Variants in TUSC3 observed in about 807,000 individuals in gnomAD.
TUSC3 encodes tumor suppressor candidate 3.
Under a neutral mutation model 44.8 loss-of-function variants are expected in TUSC3, and 45 were observed. That is an observed-to-expected ratio of 1.00 (90% CI 0.79 to 1.29). The LOEUF is 1.29. Ranked by LOEUF, TUSC3 falls within the 50% of genes most tolerant of loss-of-function variation. The pLI, the probability that TUSC3 is intolerant of heterozygous loss-of-function variation, is 0.00. For synonymous variants in TUSC3, 212 were observed against 152.9 expected, an observed-to-expected ratio of 1.39 and a Z score of -2.85; for missense variants, 519 against 437.9, an observed-to-expected ratio of 1.19 and a Z score of -1.65.
intron 2 of TUSC3, among the ~76,000 whole-genome samples, chr8:15,485,985 G>T (rs1800727971): frequency 6.6e-6 from 1 of 152,018 alleles, no homozygotes; most frequent in African/African-American, 2.4e-5. Flanking sequence ...GTAGAGTCGG[G>T]GTTTCGCCAT....
intron 1 of TUSC3, among the ~76,000 whole-genome samples, chr8:15,472,958 G>T (rs1244985682): frequency 6.6e-6 from 1 of 152,120 alleles, no homozygotes; most frequent in East Asian, 1.9e-4. Flanking sequence ...TCTCAGTGAG[G>T]TTATGCACCC....
chr8:15,751,014 T>C (rs1471002157), intron 9 of TUSC3, among the ~76,000 whole-genome samples: 2 of 152,156 alleles, frequency 1.3e-5, no homozygotes, highest in Admixed American at 1.3e-4. Context: ...CTAAACAGTG[T>C]GACCTGCTGT....
chr8:15,807,316 C>A, the TUSC3 span: 5 of 451,246 alleles, frequency 1.1e-5, no homozygotes, highest in South Asian at 5.0e-5. Context: ...TATTAAAAGT[C>A]AAAAATCATC....
At chr8:15,689,196 G>A (rs552291190) in intron 6 of TUSC3, 3 of 366,274 alleles carry the variant, frequency 8.2e-6, no homozygotes, top group East Asian at 8.3e-5. Context: ...AGCAAGGGCT[G>A]CTAAGCATTC....
intron 2 of TUSC3, among the ~76,000 whole-genome samples, chr8:15,648,383 C>G (rs1585190659): frequency 6.6e-6 from 1 of 152,086 alleles, no homozygotes; most frequent in African/African-American, 2.4e-5. Context: ...AAAGGCCTGA[C>G]TAGACGCGGG....
chr8:15,576,231 A>C (rs1585117385), intron 1 of TUSC3, among the ~76,000 whole-genome samples: 1 of 144,316 alleles, frequency 6.9e-6, no homozygotes, highest in Non-Finnish European at 1.5e-5. Flanking sequence ...GTAGGTAATT[A>C]AGAATCCTCT....
chr8:15,527,331 C>A (rs60652479), intron 2 of TUSC3, among the ~76,000 whole-genome samples: 1 of 152,232 alleles, frequency 6.6e-6, no homozygotes, highest in East Asian at 1.9e-4. Context: ...ATTCTTCTTC[C>A]TCCACCTCCC....
intron 6 of TUSC3, among the ~76,000 whole-genome samples, chr8:15,712,223 T>C (rs1487873534): frequency 6.6e-6 from 1 of 152,020 alleles, no homozygotes; most frequent in Non-Finnish European, 1.5e-5. Flanking sequence ...TAATTCATTC[T>C]TCGTCTTCAG....
rs181530555 is a variant in TUSC3 at position 15,641,437 on chromosome 8, G to A, written c.309-9260G>A. Among the ~76,000 whole-genome samples, 449 of 151,616 alleles carry A rather than the reference G, an allele frequency of 3.0e-3. 2 individuals carry two copies. The highest frequency in any genetic ancestry group is 4.4e-3 in the Non-Finnish European group (302 of 67,954). ...CACAGAAATCCTATATCAAGAGTAA[G>A]CCTAGTTTATCAAAGGAAATTAAAA... On this transcript the variant is annotated intron_variant, in intron 2 of 10. Transcript: ENST00000503731.
At chr8:15,524,971 C>T (rs146613989) in intron 2 of TUSC3, among the ~76,000 whole-genome samples, 4 of 152,188 alleles carry the variant, frequency 2.6e-5, no homozygotes, top group Non-Finnish European at 5.9e-5. Context: ...TCTGCTCATG[C>T]TTGCCCAGAC....
intron 5 of TUSC3, among the ~76,000 whole-genome samples, chr8:15,665,432 A>C (rs1287962215): frequency 6.6e-6 from 1 of 151,362 alleles, no homozygotes; most frequent in East Asian, 1.9e-4. Flanking sequence ...TGTTGTGAAC[A>C]CTTAGTCCTG....
the TUSC3 span, among the ~76,000 whole-genome samples, chr8:15,847,214 G>C: frequency 1.5e-3 from 227 of 152,302 alleles, 2 homozygotes; most frequent in African/African-American, 5.3e-3. Flanking sequence ...GCACATATGT[G>C]AGGGTGTGTA....
chr8:15,800,065 C>T, the TUSC3 span, among the ~76,000 whole-genome samples: 2 of 152,180 alleles, frequency 1.3e-5, no homozygotes, highest in African/African-American at 4.8e-5. Context: ...CATAACTCCT[C>T]TATCTTCCAA....
At chr8:15,423,975 T>G (rs7836617) in intron 1 of TUSC3, among the ~76,000 whole-genome samples, 3,612 of 19,536 alleles carry the variant, frequency 0.18, 214 homozygotes, top group South Asian at 0.28. Context: ...CTTTGTTTTT[T>G]TTTTTTTTTT....
intron 1 of TUSC3, among the ~76,000 whole-genome samples, chr8:15,556,761 T>C (rs1368734816): frequency 7.4e-6 from 1 of 135,062 alleles, no homozygotes; most frequent in East Asian, 2.4e-4. Flanking sequence ...CCAGTGATGA[T>C]GAGCATTTTT....
the TUSC3 span, among the ~76,000 whole-genome samples, chr8:15,809,171 G>A: frequency 6.6e-6 from 1 of 152,126 alleles, no homozygotes; most frequent in Non-Finnish European, 1.5e-5. Context: ...GAAGATGGAG[G>A]GCTCAGGGCA....
At chr8:15,612,470 G>T (rs1804805774) in intron 1 of TUSC3, among the ~76,000 whole-genome samples, 1 of 152,054 alleles carries the variant, frequency 6.6e-6, no homozygotes, top group Non-Finnish European at 1.5e-5. Context: ...TGTATTTTTG[G>T]TTATAAATTG....
At chr8:15,512,858 ATATATATGTGTGTG>A (rs1801158635) in intron 2 of TUSC3, among the ~76,000 whole-genome samples, 2 of 102,948 alleles carry the variant, frequency 1.9e-5, no homozygotes, top group Non-Finnish European at 3.6e-5. Context: ...GTGTGTGTGT[ATATATATGTGTGTG>A]TATATATATA....
chr8:15,817,832 T>G, the TUSC3 span, among the ~76,000 whole-genome samples: 3 of 152,300 alleles, frequency 2.0e-5, no homozygotes, highest in East Asian at 5.8e-4. Context: ...CCCCAAACTA[T>G]GTGTCACGAT....
Sources: gnomAD v4.1 joint callset for allele counts (sites outside exome capture counted in the v4.1 genomes callset) on GRCh38, gnomAD v4.1.1 for gene constraint, MANE v1.5 for transcripts, NCBI Gene and HGNC (gene_info 2026-07-23, HGNC 2026-07-21) for gene names.